IL20RA: variants seen among roughly 807,000 people sequenced by gnomAD.
IL20RA encodes interleukin 20 receptor subunit alpha.
In IL20RA, 29 loss-of-function variants were observed where a neutral mutation model predicts 36.5. That is an observed-to-expected ratio of 0.79 (90% CI 0.59 to 1.08). The LOEUF (loss-of-function observed/expected upper bound fraction) is 1.08. Ranked by LOEUF, IL20RA falls within the 50% of genes least tolerant of loss-of-function variation. The probability of loss-of-function intolerance (pLI) is 0.00; values close to 1 mark genes in which losing one functional copy is unlikely to be tolerated. For synonymous variants in IL20RA, 279 were observed against 267.1 expected (o/e 1.04, Z -0.43); for missense variants, 652 against 668.4 (o/e 0.98, Z 0.27).
At chr6:137,020,138 C>T (rs887768114) in intron 1 of IL20RA, among the ~76,000 whole-genome samples, 1 of 152,192 alleles carries the variant, frequency 6.6e-6, no homozygotes, top group Non-Finnish European at 1.5e-5. Context: ...TGTGAGTGGC[C>T]CTGTGGAGGC....
chr6:137,014,912 T>G (rs1204645703), intron 2 of IL20RA, among the ~76,000 whole-genome samples: 1 of 152,210 alleles, frequency 6.6e-6, no homozygotes, highest in Non-Finnish European at 1.5e-5. Context: ...GTGCTCCACC[T>G]CATCCTCCAG....
rs1251179919 is a variant in IL20RA, at chr6:137,011,329, C to G, written c.348G>C (p.Trp116Cys). 2 of 1,613,828 alleles carry G rather than the reference C, an allele frequency of 1.2e-6. No individual in the cohort carries two copies. The highest frequency in any genetic ancestry group is 1.7e-6 in the Non-Finnish European group (2 of 1,179,804). ...CAGCCCATTTGGAACACTTTGTTCC[C>G]CAAATGGCCTTAACTTTGGCATAAT... Reference protein sequence around the residue: ...HQYYAKVKAIWGTKCSKWAES... With the variant: ...HQYYAKVKAICGTKCSKWAES... Residue 116 changes from tryptophan to cysteine, a missense_variant, in exon 3 of 7, where the codon TGG (tryptophan) becomes TGC (cysteine). Physicochemically the swap from Trp to Cys is radical, Grantham distance 215 (BLOSUM62 -2). Coordinates refer to ENST00000316649, the MANE Select transcript of IL20RA (RefSeq NM_014432.4).
intron 1 of IL20RA, among the ~76,000 whole-genome samples, chr6:137,025,955 C>G (rs1776070801): frequency 6.6e-6 from 1 of 152,204 alleles, no homozygotes; most frequent in South Asian, 2.1e-4. Flanking sequence ...GTTAACCCAA[C>G]CTCTCTTTTG....
chr6:137,042,734 A>G (rs1776744647), intron 1 of IL20RA: 1 of 152,114 alleles, frequency 6.6e-6, no homozygotes, highest in African/African-American at 2.4e-5. Context: ...GAGCTGTGAG[A>G]CGAAAATTTT....
At chr6:137,032,187 A>C in intron 1 of IL20RA, among the ~76,000 whole-genome samples, 1 of 151,800 alleles carries the variant, frequency 6.6e-6, no homozygotes. Context: ...ATGTGGGGAG[A>C]CTCCTGGGGG....
intron 1 of IL20RA, among the ~76,000 whole-genome samples, chr6:137,043,547 G>T (rs781332090): frequency 9.2e-5 from 14 of 152,140 alleles, no homozygotes; most frequent in Non-Finnish European, 1.9e-4. Context: ...AAATTTAAAA[G>T]ATAAAATATT....
At chr6:137,015,813 T>C (rs1369399326) in intron 2 of IL20RA, among the ~76,000 whole-genome samples, 1 of 152,158 alleles carries the variant, frequency 6.6e-6, no homozygotes, top group Admixed American at 6.5e-5. Flanking sequence ...TGCACTATCA[T>C]GACCGGCTAA....
chr6:137,010,935 C>G (rs1413495987), intron 3 of IL20RA, among the ~76,000 whole-genome samples: 1 of 152,072 alleles, frequency 6.6e-6, no homozygotes, highest in Non-Finnish European at 1.5e-5. Context: ...TTAAACCTTT[C>G]ACTCTAAAGA....
intron 1 of IL20RA, chr6:137,037,974 G>A (rs1352648642): frequency 1.3e-5 from 2 of 152,140 alleles, no homozygotes; most frequent in Non-Finnish European, 2.9e-5. Flanking sequence ...CTGCCTGCCT[G>A]GGTGCAGGGT....
intron 2 of IL20RA, 37 bp from the exon 3 acceptor site, chr6:137,011,489 C>A: frequency 7.2e-7 from 1 of 1,390,018 alleles, no homozygotes; most frequent in South Asian, 1.5e-5. Flanking sequence ...ATGAGGTGCC[C>A]TCTATACTTT....
intron 1 of IL20RA, among the ~76,000 whole-genome samples, chr6:137,039,861 C>T (rs367913754): frequency 4.1e-4 from 62 of 152,172 alleles, no homozygotes; most frequent in African/African-American, 1.4e-3. Flanking sequence ...AACAAAACAA[C>T]TAGCATGAGG....
Position 137,044,849 on chromosome 6 carries a change from G to T in IL20RA, c.-121C>A. The T allele has an allele frequency of 1.1e-6, 1 of 951,554 alleles. No individual in the cohort carries two copies. The highest frequency in any genetic ancestry group is 1.3e-6 in the Non-Finnish European group (1 of 743,832). The allele number at this position is 951,554 out of a possible 1,614,324, so 58.9% of individuals were successfully genotyped here. On this transcript the variant is annotated 5_prime_UTR_variant, in exon 1 of 7. It adds an upstream start codon to the 5' untranslated region. Transcript: ENST00000316649. ...CTGGGGCTCTGCGTGCCACGCTCCA[G>T]GCGACCTGAGTCCCAGGGCGCCTCC... is the stretch of plus-strand genomic sequence containing the variant.
chr6:137,005,433 A>G (rs1775244770), intron 5 of IL20RA, among the ~76,000 whole-genome samples: 1 of 152,166 alleles, frequency 6.6e-6, no homozygotes, highest in Non-Finnish European at 1.5e-5. Flanking sequence ...AAATGAAAAG[A>G]CCTGGGAAAT....
intron 2 of IL20RA, among the ~76,000 whole-genome samples, chr6:137,012,623 A>G (rs1239282629): frequency 2.0e-5 from 3 of 152,216 alleles, no homozygotes; most frequent in Non-Finnish European, 2.9e-5. Context: ...TGATGGCACA[A>G]GCATGAATGA....
rs1238620164 is a variant in IL20RA at position 137,002,170 on chromosome 6, G to T, written c.1050C>A (p.Pro350=). ...GTTTCACCTCCTCTTCCTCCTGAGGGGGCCTCAGGTTCCCGCTGGGCTGAG... is the reference window on the plus strand; with the variant it reads ...GTTTCACCTCCTCTTCCTCCTGAGGTGGCCTCAGGTTCCCGCTGGGCTGAG... ...NDPQPSGNLR[P]PQEEEEVKHL... Residue 350 remains proline (P), a synonymous_variant, in exon 7 of 7, where the codon CCC becomes CCA. Transcript: ENST00000316649. 1 of 1,614,006 alleles carries T rather than the reference G, an allele frequency of 6.2e-7. No individual in the cohort carries two copies. The highest frequency in any genetic ancestry group is 1.7e-5 in the Admixed American group (1 of 60,016).
chr6:137,009,235 A>G, intron 4 of IL20RA, 82 bp downstream of exon 4: 2 of 1,103,272 alleles, frequency 1.8e-6, no homozygotes, highest in East Asian at 4.7e-5. Context: ...ACATGCAGAG[A>G]ATCAATGCAT....
chr6:137,044,392 A>C, intron 1 of IL20RA: 6 of 966,288 alleles, frequency 6.2e-6, no homozygotes, highest in East Asian at 6.1e-5. Flanking sequence ...CTCGAGACCG[A>C]AAGTGCGGAG....
intron 2 of IL20RA, among the ~76,000 whole-genome samples, chr6:137,015,607 T>G (rs1029575011): frequency 1.3e-5 from 2 of 152,176 alleles, no homozygotes; most frequent in African/African-American, 2.4e-5. Flanking sequence ...CAAATGGATA[T>G]AAGAATAGGG....
At chr6:137,024,093 AAAAAC>A (rs546498607) in intron 1 of IL20RA, among the ~76,000 whole-genome samples, 9 of 152,298 alleles carry the variant, frequency 5.9e-5, no homozygotes, top group East Asian at 1.9e-4. Flanking sequence ...GACTCTATCT[AAAAAC>A]AAAACAAAAC....
Sources: gnomAD v4.1 joint callset for allele counts (sites outside exome capture counted in the v4.1 genomes callset) on GRCh38, gnomAD v4.1.1 for gene constraint, MANE v1.5 for transcripts, NCBI Gene and HGNC (gene_info 2026-07-23, HGNC 2026-07-21) for gene names.